The following ENKUR variants were observed in gnomAD, a reference collection of about 807,000 sequenced individuals.
ENKUR encodes the protein enkurin, TRPC channel interacting protein, also known as enkurin.
ENKUR carries 19 observed loss-of-function variants against 27.6 expected under a neutral mutation model. That is an observed-to-expected ratio of 0.69 (90% CI 0.48 to 1.01). The LOEUF is 1.01. ENKUR is among the 50% of genes least tolerant of loss of function. The probability of loss-of-function intolerance (pLI) is 0.00; values close to 1 mark genes in which losing one functional copy is unlikely to be tolerated. For missense variants in ENKUR, 312 were observed against 310.5 expected, an observed-to-expected ratio of 1.00 and a Z score of -0.04; for synonymous variants, 117 against 96.9, an observed-to-expected ratio of 1.21 and a Z score of -1.22.
intron 1 of ENKUR, among the ~76,000 whole-genome samples, chr10:25,003,814 C>G (rs1850249538): frequency 6.6e-6 from 1 of 152,118 alleles, no homozygotes; most frequent in African/African-American, 2.4e-5. Context: ...TTTCCTGATC[C>G]TCTCCCTCCT....
At chr10:25,017,348 C>T (rs1230977946), upstream of ENKUR, among the ~76,000 whole-genome samples, 1 of 152,114 alleles carries the variant, frequency 6.6e-6, no homozygotes, top group East Asian at 1.9e-4. Flanking sequence ...GTTTAAAAGA[C>T]ATTTTGGTAA....
chr10:25,036,099 A>G (rs1323296061), intron 2 of ENKUR, among the ~76,000 whole-genome samples: 5 of 152,160 alleles, frequency 3.3e-5, no homozygotes, highest in Admixed American at 3.3e-4. Context: ...CTAATTAGGT[A>G]TTTGGTTTCT....
chr10:24,993,447 C>G (rs966462487), intron 3 of ENKUR, among the ~76,000 whole-genome samples: 1 of 152,152 alleles, frequency 6.6e-6, no homozygotes, highest in Non-Finnish European at 1.5e-5. Context: ...GAAAGAATGT[C>G]TTTACTGGTA....
At chr10:24,994,412 C>G (rs1323223507) in intron 3 of ENKUR, among the ~76,000 whole-genome samples, 2 of 151,454 alleles carry the variant, frequency 1.3e-5, no homozygotes, top group African/African-American at 4.9e-5. Context: ...TGGCTCACTG[C>G]AACCCCCGCC....
intron 2 of ENKUR, among the ~76,000 whole-genome samples, chr10:25,034,948 A>G (rs1850991351): frequency 6.6e-6 from 1 of 152,226 alleles, no homozygotes. Context: ...TCAGGTCAAG[A>G]GCATAAAATT....
chr10:24,997,343 C>A (rs1023005810), intron 2 of ENKUR, among the ~76,000 whole-genome samples: 1 of 151,430 alleles, frequency 6.6e-6, no homozygotes, highest in African/African-American at 2.4e-5. Flanking sequence ...CTCATTGGAC[C>A]GAGTTTTTAA....
intron 2 of ENKUR, among the ~76,000 whole-genome samples, chr10:25,053,769 A>C (rs1475079029): frequency 6.6e-6 from 1 of 152,050 alleles, no homozygotes; most frequent in African/African-American, 2.4e-5. Context: ...ATTCTTATAC[A>C]TACATCTTTT....
At chr10:25,017,783 C>T (rs73608224), upstream of ENKUR, among the ~76,000 whole-genome samples, 1 of 152,044 alleles carries the variant, frequency 6.6e-6, no homozygotes, top group African/African-American at 2.4e-5. Flanking sequence ...CACTTTGCCC[C>T]TTTCTTTTCG....
intron 2 of ENKUR, among the ~76,000 whole-genome samples, chr10:25,032,643 T>C (rs1850949772): frequency 6.6e-6 from 1 of 152,196 alleles, no homozygotes. Context: ...TTTAGGGTCT[T>C]GACGTCCTAA....
chr10:24,989,879 T>C (rs1340028574), intron 4 of ENKUR, among the ~76,000 whole-genome samples: 2 of 152,134 alleles, frequency 1.3e-5, no homozygotes, highest in Non-Finnish European at 2.9e-5. Flanking sequence ...AAGCAGAAAC[T>C]CTTACACCCC....
Position 24,999,566 on chromosome 10 carries a change from G to C in ENKUR, c.78-20C>G, listed in dbSNP as rs1166414695. Reference sequence around the variant, plus strand: ...ATGTACCTAAAATTGAATTTTAAAAGTTGTAGCATTTATACTTCTAGTAAA... The same window carrying C: ...ATGTACCTAAAATTGAATTTTAAAACTTGTAGCATTTATACTTCTAGTAAA... On this transcript the variant is annotated intron_variant, in intron 1 of 5. Coordinates refer to ENST00000331161, the MANE Select transcript of ENKUR (RefSeq NM_145010.4). 2 of 1,582,698 alleles carry C rather than the reference G, an allele frequency of 1.3e-6. No individual in the cohort carries two copies. Among genetic ancestry groups the C allele is most frequent in the Admixed American group, 1.9e-5 (1 of 53,618 alleles).
intron 4 of ENKUR, among the ~76,000 whole-genome samples, chr10:24,989,715 A>G (rs1849883848): frequency 6.6e-6 from 1 of 152,236 alleles, no homozygotes; most frequent in Non-Finnish European, 1.5e-5. Context: ...TCCATTTTTC[A>G]ACAGAGATTA....
chr10:25,004,334 G>A (rs1003047004), intron 1 of ENKUR, among the ~76,000 whole-genome samples: 8 of 151,982 alleles, frequency 5.3e-5, no homozygotes, highest in African/African-American at 1.9e-4. Flanking sequence ...CCATCTTTAG[G>A]TCTTTGAGGA....
intron 1 of ENKUR, among the ~76,000 whole-genome samples, chr10:25,061,664 C>T (rs571387340): frequency 1.3e-5 from 2 of 152,208 alleles, no homozygotes; most frequent in South Asian, 2.1e-4. Flanking sequence ...TTCCAACAAC[C>T]CCTTTCTTCA....
chr10:24,984,746 T>C lies in ENKUR; in HGVS notation c.754A>G (p.Ile252Val), dbSNP rs138973825. 2.5e-4 allele frequency: 396 copies of C among 1,608,276 alleles called. 2 individuals carry two copies. In the African/African-American group the frequency reaches 4.8e-3, roughly 20 times the overall value. The change falls in exon 5 of 6, where the codon ATT becomes GTT. Residue 252 changes from isoleucine to valine, a missense_variant. Coordinates refer to ENST00000331161, the MANE Select transcript of ENKUR (RefSeq NM_145010.4). ...GIIEKHKIIYIANNA is the reference protein window; with the variant it reads ...GIIEKHKIIYVANNA ...AAGATCCATTCTTACTTATTGGCAA[T>C]ATAAATAATCTTGTGCTTTTCAATT...
chr10:25,058,031 A>C (rs1173442147), intron 2 of ENKUR, among the ~76,000 whole-genome samples: 1 of 152,046 alleles, frequency 6.6e-6, no homozygotes, highest in Non-Finnish European at 1.5e-5. Context: ...CCAAACCCCA[A>C]GAGTGGACGG....
At chr10:24,994,574 T>C (rs539337375) in intron 3 of ENKUR, among the ~76,000 whole-genome samples, 1 of 152,134 alleles carries the variant, frequency 6.6e-6, no homozygotes, top group Non-Finnish European at 1.5e-5. Flanking sequence ...CCTCAAGCAA[T>C]CCTCCTGGCC....
At position 25,055,146 on chromosome 10, in the gene ENKUR, C is replaced by A. The variant is rs141646961; in HGVS notation, c.37+5966G>T. Among the ~76,000 whole-genome samples the A allele has an allele frequency of 3.6e-3, 548 of 152,194 alleles. 2 individuals carry two copies. Among genetic ancestry groups the A allele is most frequent in the African/African-American group, 0.012 (510 of 41,504 alleles). The stretch of plus-strand genomic sequence containing the variant: ...ATATCCTACAATTATGCCACCATTT[C>A]CCCCCACTAAAATCACCAAGAATCA... On this transcript the variant is annotated intron_variant, in intron 2 of 5. Coordinates refer to the ENKUR transcript ENST00000615958.
chr10:25,045,776 A>G (rs1307715691), intron 2 of ENKUR, among the ~76,000 whole-genome samples: 1 of 152,234 alleles, frequency 6.6e-6, no homozygotes, highest in African/African-American at 2.4e-5. Context: ...TGTTTATAAA[A>G]CAAAAAACTG....
Sources: gnomAD v4.1 joint callset for allele counts (sites outside exome capture counted in the v4.1 genomes callset) on GRCh38, gnomAD v4.1.1 for gene constraint, MANE v1.5 for transcripts, NCBI Gene and HGNC (gene_info 2026-07-23, HGNC 2026-07-21) for gene names.